MCUB: variants seen among roughly 807,000 people sequenced by gnomAD.
MCUB encodes the protein calcium uniporter regulatory subunit MCUb, mitochondrial.
A neutral mutation model predicts 41.4 loss-of-function variants in MCUB; 46 were observed. That is an observed-to-expected ratio of 1.11 (90% CI 0.88 to 1.42). The LOEUF (loss-of-function observed/expected upper bound fraction) is 1.42. Ranked by LOEUF, MCUB falls within the 40% of genes most tolerant of loss-of-function variation. MCUB has a pLI of 0.00. For synonymous variants in MCUB, 148 were observed against 148.2 expected (o/e 1.00, Z 0.01); for missense variants, 403 against 404.9 (o/e 1.00, Z 0.04).
chr4:109,600,321 A>G (rs955247669), intron 1 of MCUB, among the ~76,000 whole-genome samples: 8 of 152,148 alleles, frequency 5.3e-5, no homozygotes, highest in African/African-American at 1.9e-4. Flanking sequence ...CATCTGAAAA[A>G]TGATTCCCCA....
intron 1 of MCUB, among the ~76,000 whole-genome samples, chr4:109,581,493 C>T (rs1727172806): frequency 6.6e-6 from 1 of 152,150 alleles, no homozygotes; most frequent in Non-Finnish European, 1.5e-5. Flanking sequence ...ATGTCTAAAA[C>T]ACCACAGGCA....
chr4:109,638,014 C>CA, intron 1 of MCUB, among the ~76,000 whole-genome samples: 1 of 152,138 alleles, frequency 6.6e-6, no homozygotes. Flanking sequence ...TAAAATGAGT[C>CA]ACAACATTTT....
At chr4:109,674,348 A>T (rs1355267486) in intron 4 of MCUB, among the ~76,000 whole-genome samples, 1 of 152,350 alleles carries the variant, frequency 6.6e-6, no homozygotes, top group Middle Eastern at 3.4e-3. Context: ...TAACTTAAAC[A>T]TGTCACCTAA....
intron 1 of MCUB, among the ~76,000 whole-genome samples, chr4:109,649,347 G>A (rs1031377140): frequency 6.6e-5 from 10 of 152,078 alleles, no homozygotes; most frequent in Non-Finnish European, 1.0e-4. Flanking sequence ...TGGTTTGGAA[G>A]TACACACTTT....
intron 1 of MCUB, among the ~76,000 whole-genome samples, chr4:109,594,534 T>C (rs190864177): frequency 6.6e-6 from 1 of 152,200 alleles, no homozygotes; most frequent in Admixed American, 6.5e-5. Context: ...CGCATGCCTG[T>C]TGTAGTCCCA....
chr4:109,617,750 G>A (rs1307395784), intron 1 of MCUB, among the ~76,000 whole-genome samples: 1 of 152,100 alleles, frequency 6.6e-6, no homozygotes, highest in African/African-American at 2.4e-5. Flanking sequence ...TATAAATAAT[G>A]TTACAGTTAA....
At chr4:109,680,640 G>A (rs1157749946) in intron 4 of MCUB, among the ~76,000 whole-genome samples, 1 of 152,110 alleles carries the variant, frequency 6.6e-6, no homozygotes, top group Admixed American at 6.5e-5. Context: ...TCACCCCTCT[G>A]TGGCAGCTAT....
chr4:109,582,875 T>G (rs1164317566), intron 1 of MCUB, among the ~76,000 whole-genome samples: 1 of 152,144 alleles, frequency 6.6e-6, no homozygotes, highest in Non-Finnish European at 1.5e-5. Context: ...ATCAGATGGT[T>G]GTTGATGTGT....
At chr4:109,619,212 A>T (rs911972235) in intron 1 of MCUB, among the ~76,000 whole-genome samples, 2 of 152,034 alleles carry the variant, frequency 1.3e-5, no homozygotes. Context: ...AGTGGCTGGG[A>T]TTATAGGTGC....
chr4:109,567,398 G>C (rs766583330), intron 1 of MCUB, among the ~76,000 whole-genome samples: 29 of 151,970 alleles, frequency 1.9e-4, no homozygotes, highest in Non-Finnish European at 3.1e-4. Context: ...GGCATGTACA[G>C]TACATACATG....
In MCUB at chr4:109,684,462, C is replaced by G; in HGVS notation, c.632C>G (p.Ala211Gly). The G allele has an allele frequency of 6.2e-7, 1 of 1,611,604 alleles. No homozygotes were observed. The highest frequency in any genetic ancestry group is 8.5e-7 in the Non-Finnish European group (1 of 1,178,988). The change falls in exon 6 of 8, where the codon GCT becomes GGT. Residue 211 changes from alanine to glycine, a missense_variant. Transcript: ENST00000394650. The part of the protein sequence containing the change: ...PLEQVKAGIE[A>G]HSEAKTSGLL... ...CCTCAGGTGAAAGCTGGAATAGAAGCTCATTCGGAAGCCAAAACCAGTGGA... is the reference window on the plus strand; with the variant it reads ...CCTCAGGTGAAAGCTGGAATAGAAGGTCATTCGGAAGCCAAAACCAGTGGA...
chr4:109,673,365 G>A (rs115460752), intron 4 of MCUB, among the ~76,000 whole-genome samples: 323 of 152,202 alleles, frequency 2.1e-3, no homozygotes, highest in African/African-American at 7.3e-3. Context: ...CACAACCTCC[G>A]CACTCCTGCC....
chr4:109,597,039 A>T (rs1250835416), intron 1 of MCUB, among the ~76,000 whole-genome samples: 1 of 151,706 alleles, frequency 6.6e-6, no homozygotes, highest in South Asian at 2.1e-4. Flanking sequence ...CAGAGAGCAC[A>T]GGGTTGGGGG....
intron 1 of MCUB, 107 bp from the exon 2 acceptor site, chr4:109,658,904 A>G (rs1426732682): frequency 1.4e-6 from 1 of 739,616 alleles, no homozygotes; most frequent in Non-Finnish European, 2.3e-6. Flanking sequence ...GTTTTTCATT[A>G]TGCTTTTCAT....
chr4:109,663,806 C>G (rs575615922), intron 3 of MCUB, among the ~76,000 whole-genome samples: 23 of 152,304 alleles, frequency 1.5e-4, no homozygotes, highest in Admixed American at 3.9e-4. Flanking sequence ...AACAGGCTCT[C>G]ATGCTGGAAG....
At chr4:109,573,335 C>T (rs993257008) in intron 1 of MCUB, among the ~76,000 whole-genome samples, 4 of 152,042 alleles carry the variant, frequency 2.6e-5, no homozygotes, top group Non-Finnish European at 5.9e-5. Context: ...CACCTGTAGT[C>T]CCCACTACTC....
chr4:109,591,212 G>T (rs1727429703), intron 1 of MCUB, among the ~76,000 whole-genome samples: 2 of 146,108 alleles, frequency 1.4e-5, no homozygotes, highest in African/African-American at 2.6e-5. Context: ...CTTTGAGACA[G>T]TCTCACTCTG....
At chr4:109,601,415 G>A (rs895033133) in intron 1 of MCUB, among the ~76,000 whole-genome samples, 3 of 151,888 alleles carry the variant, frequency 2.0e-5, no homozygotes, top group Admixed American at 1.3e-4. Context: ...CCCAGCCTCT[G>A]GTAACCATCC....
At chr4:109,577,136 G>A (rs1727050125) in intron 1 of MCUB, among the ~76,000 whole-genome samples, 1 of 152,208 alleles carries the variant, frequency 6.6e-6, no homozygotes, top group African/African-American at 2.4e-5. Context: ...ACAGGCGTGA[G>A]CCACCACACC....
Sources: gnomAD v4.1 joint callset for allele counts (sites outside exome capture counted in the v4.1 genomes callset) on GRCh38, gnomAD v4.1.1 for gene constraint, MANE v1.5 for transcripts, NCBI Gene and HGNC (gene_info 2026-07-23, HGNC 2026-07-21) for gene names.